B4GALT6: variants seen among roughly 807,000 people sequenced by gnomAD.
The protein encoded by B4GALT6 is UDP-Gal:beta-GlcNAc beta-1,4-galactosyltransferase 6.
Under a neutral mutation model 46.3 loss-of-function variants are expected in B4GALT6, and 14 were observed. The observed-to-expected ratio is 0.30, with a 90% CI of 0.20 to 0.47. The LOEUF (loss-of-function observed/expected upper bound fraction) is 0.47, where lower values mean the gene tolerates loss of function less well. B4GALT6 is among the 20% of genes least tolerant of loss of function. The pLI is 0.99. For synonymous variants in B4GALT6, 168 were observed against 162.0 expected (o/e 1.04, Z -0.28); for missense variants, 386 against 480.1 (o/e 0.80, Z 1.83).
intron 2 of B4GALT6, among the ~76,000 whole-genome samples, chr18:31,662,575 G>A (rs77141763): frequency 6.6e-6 from 1 of 152,184 alleles, no homozygotes. Context: ...GGGCGTAGTG[G>A]CTCATGCCTG....
At chr18:31,642,560 C>A (rs2073942960) in intron 4 of B4GALT6, among the ~76,000 whole-genome samples, 1 of 152,206 alleles carries the variant, frequency 6.6e-6, no homozygotes, top group Non-Finnish European at 1.5e-5. Context: ...GTCACAGGTA[C>A]ACTTCACTTT....
At chr18:31,645,565 C>A in intron 3 of B4GALT6, 86 bp from the exon 4 acceptor site, 1 of 1,371,110 alleles carries the variant, frequency 7.3e-7, no homozygotes, top group Non-Finnish European at 9.9e-7. Flanking sequence ...AGGGTGATGG[C>A]ATATCTTAGT....
the B4GALT6 span, among the ~76,000 whole-genome samples, chr18:31,711,914 A>G: frequency 2.6e-5 from 4 of 152,166 alleles, no homozygotes; most frequent in Non-Finnish European, 2.9e-5. Flanking sequence ...TTCACCAGTC[A>G]TTGTCTATCT....
At chr18:31,657,901 A>G in intron 3 of B4GALT6, 75 bp downstream of exon 3, 1 of 1,137,580 alleles carries the variant, frequency 8.8e-7, no homozygotes, top group Non-Finnish European at 1.3e-6. Context: ...CTCCTGCTGC[A>G]CTCAAATCAT....
chr18:31,709,638 T>C, the B4GALT6 span, among the ~76,000 whole-genome samples: 1 of 148,684 alleles, frequency 6.7e-6, no homozygotes, highest in African/African-American at 2.5e-5. Context: ...CCTGCATTGA[T>C]TGCATGAAGG....
chr18:31,715,264 C>T, the B4GALT6 span, among the ~76,000 whole-genome samples: 3 of 152,154 alleles, frequency 2.0e-5, no homozygotes, highest in African/African-American at 7.2e-5. Flanking sequence ...CTCACTCTGT[C>T]ACCCAGGCTG....
chr18:31,660,500 T>C (rs2074200093), intron 2 of B4GALT6, among the ~76,000 whole-genome samples: 1 of 151,926 alleles, frequency 6.6e-6, no homozygotes, highest in African/African-American at 2.4e-5. Flanking sequence ...TTATTTATCT[T>C]CAATATTCCT....
intron 2 of B4GALT6, among the ~76,000 whole-genome samples, chr18:31,661,731 A>G (rs1025510518): frequency 6.6e-6 from 1 of 152,222 alleles, no homozygotes; most frequent in African/African-American, 2.4e-5. Flanking sequence ...ATGTACAACT[A>G]TGATATAACA....
Position 31,638,604 on chromosome 18 carries a change from T to A in B4GALT6, c.588+40A>T, listed in dbSNP as rs1191659948. 3.5e-6 allele frequency: 5 copies of A among 1,419,254 alleles called. No homozygotes were observed. In the African/African-American group the frequency reaches 7.1e-5, roughly 20 times the overall value. The allele number at this position is 1,419,254 out of a possible 1,614,324, so 87.9% of individuals were successfully genotyped here. A position where few individuals can be genotyped will look rare whatever the true frequency, so the allele number is the denominator to read the frequency against. ...ATCTAACCATATCTAAGAGTTTAGATTCTAGTATACTTAGTGACCACTATG... is the reference window on the plus strand; with the variant it reads ...ATCTAACCATATCTAAGAGTTTAGAATCTAGTATACTTAGTGACCACTATG... On this transcript the variant is annotated intron_variant, in intron 5 of 8. Coordinates refer to ENST00000306851, the MANE Select transcript of B4GALT6 (RefSeq NM_004775.5).
chr18:31,690,153 AGACTCTC>A (rs1598945629), upstream of B4GALT6, among the ~76,000 whole-genome samples: 3 of 152,280 alleles, frequency 2.0e-5, no homozygotes, highest in Admixed American at 6.5e-5. Context: ...TTATTGAGAC[AGACTCTC>A]GCTCTGTTGT....
chr18:31,658,769 G>A (rs2144651430), intron 2 of B4GALT6, among the ~76,000 whole-genome samples: 1 of 152,340 alleles, frequency 6.6e-6, no homozygotes, highest in South Asian at 2.1e-4. Flanking sequence ...AGGACACGAT[G>A]TAGCTTGCCA....
the B4GALT6 span, among the ~76,000 whole-genome samples, chr18:31,724,012 C>T: frequency 3.3e-5 from 5 of 150,748 alleles, no homozygotes; most frequent in Admixed American, 3.3e-4. Flanking sequence ...GACCCCGCGG[C>T]CCAAATTCTT....
intron 1 of B4GALT6, among the ~76,000 whole-genome samples, chr18:31,676,251 TA>T (rs1278912203): frequency 1.3e-5 from 2 of 152,074 alleles, no homozygotes; most frequent in African/African-American, 4.8e-5. Flanking sequence ...CTCAAATATA[TA>T]AAAACAGGCC....
chr18:31,669,015 C>CA (rs34372600), intron 1 of B4GALT6, among the ~76,000 whole-genome samples: 3,162 of 101,034 alleles, frequency 0.031, 61 homozygotes, highest in East Asian at 0.14. Context: ...GACCCTGTGT[C>CA]AAAAAAAAAA....
chr18:31,700,141 G>T, the B4GALT6 span, among the ~76,000 whole-genome samples: 2 of 152,036 alleles, frequency 1.3e-5, no homozygotes, highest in Non-Finnish European at 2.9e-5. Context: ...CATAAGAGGT[G>T]TGTCCTTTAC....
At chr18:31,666,955 A>C (rs2074289953) in intron 1 of B4GALT6, among the ~76,000 whole-genome samples, 1 of 152,238 alleles carries the variant, frequency 6.6e-6, no homozygotes, top group Admixed American at 6.5e-5. Context: ...TCTTTCTACC[A>C]GGATGGTAAA....
chr18:31,703,380 A>C, the B4GALT6 span, among the ~76,000 whole-genome samples: 1 of 152,186 alleles, frequency 6.6e-6, no homozygotes, highest in East Asian at 1.9e-4. Context: ...TCAGTTTTAT[A>C]TTATGCCTAT....
chr18:31,650,335 T>C (rs556260656), intron 3 of B4GALT6, among the ~76,000 whole-genome samples: 175 of 152,330 alleles, frequency 1.1e-3, no homozygotes, highest in Middle Eastern at 3.4e-3. Flanking sequence ...ACTGAACACA[T>C]TTCAACGGCT....
chr18:31,677,481 C>T (rs1394956895), intron 1 of B4GALT6, among the ~76,000 whole-genome samples: 1 of 152,084 alleles, frequency 6.6e-6, no homozygotes, highest in African/African-American at 2.4e-5. Flanking sequence ...CCAGTGGGCC[C>T]AAGATATGAG....
Sources: gnomAD v4.1 joint callset for allele counts (sites outside exome capture counted in the v4.1 genomes callset) on GRCh38, gnomAD v4.1.1 for gene constraint, MANE v1.5 for transcripts, NCBI Gene and HGNC (gene_info 2026-07-23, HGNC 2026-07-21) for gene names.